TNKS2: variants seen among roughly 807,000 people sequenced by gnomAD.
TNKS2 encodes tankyrase 2, also known as poly [ADP-ribose] polymerase tankyrase-2.
TNKS2 carries 72 observed loss-of-function variants against 137.6 expected under a neutral mutation model. The observed-to-expected ratio is 0.52, with a 90% CI of 0.43 to 0.64. The LOEUF is 0.64. Among genes scored for constraint, TNKS2 ranks in the 30% least tolerant of loss-of-function variants. TNKS2 has a pLI of 0.00. For missense variants in TNKS2, 1,049 were observed against 1,410.2 expected (o/e 0.74, Z 4.10); for synonymous variants, 516 against 512.1 (o/e 1.01, Z -0.10).
At chr10:91,816,686 C>CTTTTTTTTTTTTT (rs34591746) in intron 2 of TNKS2, among the ~76,000 whole-genome samples, 1 of 147,722 alleles carries the variant, frequency 6.8e-6, no homozygotes. Context: ...GTGTGATTTT[C>CTTTTTTTTTTTTT]TTTTTTTTTT....
chr10:91,842,357 C>G lies in TNKS2; in HGVS notation c.2025C>G (p.Thr675=). 6.2e-7 allele frequency: 1 copy of G among 1,613,970 alleles called. No homozygotes were observed. Among genetic ancestry groups the G allele is most frequent in the Non-Finnish European group, 8.5e-7 (1 of 1,179,940 alleles). The change falls in exon 16 of 27, where the codon ACC becomes ACG. Residue 675 remains threonine (T), a synonymous_variant. Coordinates refer to ENST00000371627, the MANE Select transcript of TNKS2 (RefSeq NM_025235.4). ...CTGATAATGTAAATTGCCGCGATAC[C>G]CAAGGCAGACATTCAACACCTTTAC... is the stretch of plus-strand genomic sequence containing the variant. The part of the protein sequence containing the change: ...SSPDNVNCRD[T]QGRHSTPLHL...
chr10:91,822,442 TTTTTA>T, intron 7 of TNKS2, 80 bp downstream of exon 7: 1 of 1,202,264 alleles, frequency 8.3e-7, no homozygotes. Context: ...TCTGGGTTTC[TTTTTA>T]TTTTCTGTGT....
In TNKS2 at chr10:91,833,956, A is replaced by G; in HGVS notation, c.1379A>G (p.Asn460Ser). The change falls in exon 12 of 27, where the codon AAC becomes AGC. Residue 460 changes from asparagine to serine, a missense_variant. Physicochemically the swap from Asn to Ser is conservative, Grantham distance 46. This residue lies in a region of TNKS2 where 328 missense variants were observed against 436.0 expected (regional missense o/e 0.75). Coordinates refer to ENST00000371627, the MANE Select transcript of TNKS2 (RefSeq NM_025235.4). ...RLLLSYGCDP[N>S]IISLQGFTAL... ...CTCCTGAGCTATGGGTGTGATCCTAACATTATATCCCTTCAGGGCTTTACT... is the reference window on the plus strand; with the variant it reads ...CTCCTGAGCTATGGGTGTGATCCTAGCATTATATCCCTTCAGGGCTTTACT... 6.2e-7 allele frequency: 1 copy of G among 1,613,814 alleles called. No homozygotes were observed.
chr10:91,850,433 A>C (rs1842507976), intron 20 of TNKS2, among the ~76,000 whole-genome samples: 2 of 150,612 alleles, frequency 1.3e-5, no homozygotes, highest in Non-Finnish European at 3.0e-5. Context: ...AATTTGTAGA[A>C]GGGAGCCAGG....
intron 23 of TNKS2, among the ~76,000 whole-genome samples, chr10:91,856,747 T>G (rs1044276876): frequency 6.6e-6 from 1 of 152,212 alleles, no homozygotes; most frequent in African/African-American, 2.4e-5. Context: ...TTACGATCCT[T>G]GATTACATCT....
intron 1 of TNKS2, among the ~76,000 whole-genome samples, chr10:91,802,779 C>T (rs1844210955): frequency 6.6e-6 from 1 of 152,246 alleles, no homozygotes; most frequent in African/African-American, 2.4e-5. Context: ...CAACACTCTT[C>T]ACCTAGAACT....
At chr10:91,819,599 A>C in intron 5 of TNKS2, 42 bp downstream of exon 5, 4 of 1,410,388 alleles carry the variant, frequency 2.8e-6, no homozygotes, top group Non-Finnish European at 3.9e-6. Flanking sequence ...TCTCCTGGTA[A>C]CATGAAGATA....
intron 1 of TNKS2, among the ~76,000 whole-genome samples, chr10:91,804,570 A>G (rs1403626924): frequency 1.3e-5 from 2 of 152,210 alleles, no homozygotes; most frequent in Non-Finnish European, 2.9e-5. Context: ...GGAGATTTAC[A>G]TTGACTCTGA....
In TNKS2 at chr10:91,817,243, C is replaced by T. The variant is rs748235156; in HGVS notation, c.520+14C>T. On this transcript the variant is annotated intron_variant, in intron 3 of 26. Transcript: ENST00000371627. ...CAGTGCTTACTGGTAAGTCTGTATA[C>T]TCTGGTTATTCCAGGAAGCCTGTAA... The T allele has an allele frequency of 1.9e-6, 3 of 1,593,636 alleles. No individual in the cohort carries two copies. The African/African-American group carries it at 4.0e-5, about 21-fold the overall frequency.
intron 1 of TNKS2, chr10:91,807,530 G>C: frequency 1.7e-6 from 2 of 1,153,446 alleles, no homozygotes; most frequent in Non-Finnish European, 2.6e-6. Context: ...ACCGACGCGA[G>C]TCCTGCAATG....
intron 9 of TNKS2, 139 bp from the exon 10 acceptor site, chr10:91,830,784 A>G (rs1845220735): frequency 5.5e-6 from 4 of 729,670 alleles, no homozygotes; most frequent in Middle Eastern, 7.9e-4. Context: ...TAATTCAATC[A>G]AAAGTCAAGA....
At chr10:91,808,095 G>C (rs1339688522) in intron 1 of TNKS2, among the ~76,000 whole-genome samples, 2 of 151,832 alleles carry the variant, frequency 1.3e-5, no homozygotes, top group African/African-American at 4.8e-5. Context: ...AATCCCTGTT[G>C]TATGGAGCTT....
Position 91,841,294 on chromosome 10 carries a change from C to T in TNKS2, c.1685C>T (p.Pro562Leu). The change falls in exon 15 of 27, where the codon CCT becomes CTT. Residue 562 changes from proline to leucine, a missense_variant. Physicochemically the swap from Pro to Leu is moderately conservative, Grantham distance 98. This residue lies in a region of TNKS2 where 328 missense variants were observed against 436.0 expected (regional missense o/e 0.75). Transcript: ENST00000371627. ...VHAKDKGGLVPLHNACSYGHY... is the reference protein window; with the variant it reads ...VHAKDKGGLVLLHNACSYGHY... ...TTATTACTTTTCAGAGGCCTTGTACCTTTGCACAATGCATGTTCTTATGGA... is the reference window on the plus strand; with the variant it reads ...TTATTACTTTTCAGAGGCCTTGTACTTTTGCACAATGCATGTTCTTATGGA... The T allele has an allele frequency of 2.5e-6, 4 of 1,568,882 alleles. No homozygotes were observed. Among genetic ancestry groups the T allele is most frequent in the Non-Finnish European group, 3.4e-6 (4 of 1,159,436 alleles).
intron 1 of TNKS2, among the ~76,000 whole-genome samples, chr10:91,804,241 A>G (rs1564600673): frequency 6.6e-6 from 1 of 152,222 alleles, no homozygotes; most frequent in Non-Finnish European, 1.5e-5. Context: ...ATGTTTGTCA[A>G]GTCCTGCTAT....
chr10:91,844,980 C>T lies in TNKS2; in HGVS notation c.2121C>T (p.Ala707=), dbSNP rs929828255. 1 of 1,613,288 alleles carries T rather than the reference C, an allele frequency of 6.2e-7. No individual in the cohort carries two copies. Among genetic ancestry groups the T allele is most frequent in the Middle Eastern group, 1.7e-4 (1 of 6,058 alleles). The change falls in exon 17 of 27, where the codon GCC becomes GCT. Residue 707 remains alanine (A), a synonymous_variant. Transcript: ENST00000371627. ...TACAACACGGAGCTGATGTGAATGC[C>T]CAAGACAAAGGAGGACTTATTCCTT... ...YLLQHGADVN[A]QDKGGLIPLH...
chr10:91,826,923 C>T, intron 7 of TNKS2, 94 bp from the exon 8 acceptor site: 1 of 1,166,358 alleles, frequency 8.6e-7, no homozygotes, highest in East Asian at 2.9e-5. Flanking sequence ...GGAACATAAC[C>T]TGTTTTAGCC....
intron 2 of TNKS2, among the ~76,000 whole-genome samples, chr10:91,814,259 G>A (rs1451576951): frequency 6.6e-6 from 1 of 151,878 alleles, no homozygotes; most frequent in Non-Finnish European, 1.5e-5. Flanking sequence ...CAGAAAAGTT[G>A]TAAAAAAAAA....
At chr10:91,828,253 G>A (rs377625421) in intron 8 of TNKS2, 32 bp from the exon 9 acceptor site, 34 of 1,505,204 alleles carry the variant, frequency 2.3e-5, no homozygotes, top group African/African-American at 1.0e-4. Flanking sequence ...ATTTGAACTC[G>A]TTATACATGT....
rs1476492964 is a variant in TNKS2, at chr10:91,840,605, G to T, written c.1572G>T (p.Gly524=). 6.2e-7 allele frequency: 1 copy of T among 1,613,888 alleles called. No homozygotes were observed. Among genetic ancestry groups the T allele is most frequent in the East Asian group, 2.2e-5 (1 of 44,882 alleles). Residue 524 remains glycine (G), a synonymous_variant, in exon 14 of 27, where the codon GGG becomes GGT. Coordinates refer to ENST00000371627, the MANE Select transcript of TNKS2 (RefSeq NM_025235.4). ...VQSVNCRDIE[G]RQSTPLHFAA... ...GTGTCAACTGCAGAGACATTGAAGGGCGTCAGTCTACACCACTTCATTTTG... is the reference window on the plus strand; with the variant it reads ...GTGTCAACTGCAGAGACATTGAAGGTCGTCAGTCTACACCACTTCATTTTG...
Sources: allele counts gnomAD v4.1 joint callset (sites outside exome capture counted in the v4.1 genomes callset), GRCh38; gene constraint gnomAD v4.1.1; regional missense constraint gnomAD v4.1.1; transcripts MANE v1.5; gene names NCBI Gene and HGNC (gene_info 2026-07-23, HGNC 2026-07-21).